The following ADD2 variants were observed in gnomAD, a reference collection of about 807,000 sequenced individuals.
ADD2 encodes the protein beta-adducin.
In ADD2, 23 loss-of-function variants were observed where a neutral mutation model predicts 83.0. That is an observed-to-expected ratio of 0.28 (90% CI 0.20 to 0.39). The LOEUF (loss-of-function observed/expected upper bound fraction) is 0.39. Among genes scored for constraint, ADD2 ranks in the 10% least tolerant of loss-of-function variants. The pLI, the probability that ADD2 is intolerant of heterozygous loss-of-function variation, is 1.00. For synonymous variants in ADD2, 375 were observed against 375.4 expected (o/e 1.00, Z 0.01); for missense variants, 758 against 944.9 (o/e 0.80, Z 2.59).
Position 70,663,413 on chromosome 2 carries a change from G to T in ADD2, c.*12C>A. ...AGAGAGGAGGCAGGAGGGAGCCCAA[G>T]GGTGTCATGAATCAGGACTCCACTT... On this transcript the variant is annotated 3_prime_UTR_variant, in exon 16 of 16. Transcript: ENST00000264436. The T allele has an allele frequency of 1.2e-6, 2 of 1,607,284 alleles. No individual in the cohort carries two copies. Among genetic ancestry groups the T allele is most frequent in the South Asian group, 2.2e-5 (2 of 90,084 alleles).
chr2:70,667,423 G>A (rs772235102), intron 15 of ADD2, among the ~76,000 whole-genome samples: 101 of 152,166 alleles, frequency 6.6e-4, no homozygotes, highest in Non-Finnish European at 9.8e-4. Context: ...TCTGTGGGAG[G>A]CGCAGAGCTG....
At chr2:70,745,659 AG>A (rs150141651) in intron 1 of ADD2, among the ~76,000 whole-genome samples, 1 of 152,358 alleles carries the variant, frequency 6.6e-6, no homozygotes, top group African/African-American at 2.4e-5. Context: ...GAGAGCAGCT[AG>A]GAACAGTAGA....
intron 2 of ADD2, among the ~76,000 whole-genome samples, chr2:70,710,969 T>G (rs1574274292): frequency 1.3e-5 from 2 of 152,188 alleles, no homozygotes; most frequent in African/African-American, 4.8e-5. Flanking sequence ...TATAAACAGG[T>G]GCACACTAAA....
intron 2 of ADD2, among the ~76,000 whole-genome samples, chr2:70,709,383 T>C (rs1672061214): frequency 6.6e-6 from 1 of 151,820 alleles, no homozygotes; most frequent in Admixed American, 6.6e-5. Flanking sequence ...GGCAGGCTGC[T>C]AGAATGGTTG....
At position 70,659,964 on chromosome 2, in the gene ADD2, G is replaced by A. The variant is rs993872613; in HGVS notation, c.*3461C>T. ...TTCTCTGGCACATCCAAGCACAGTAGCTCAACCAGACATGAACCTACTGCC... is the reference window on the plus strand; with the variant it reads ...TTCTCTGGCACATCCAAGCACAGTAACTCAACCAGACATGAACCTACTGCC... On this transcript the variant is annotated 3_prime_UTR_variant, in exon 16 of 16. Coordinates refer to ENST00000264436, the MANE Select transcript of ADD2 (RefSeq NM_001617.4). 2 of 152,222 alleles carry A rather than the reference G, an allele frequency of 1.3e-5. No individual in the cohort carries two copies. The highest frequency in any genetic ancestry group is 4.8e-5 in the African/African-American group (2 of 41,430). The allele number at this position is 152,222 out of a possible 1,614,324, so 9.4% of individuals were successfully genotyped here.
Position 70,713,199 on chromosome 2 carries a change from C to A in ADD2, c.-153-15G>T. 1 of 972,206 alleles carries A rather than the reference C, an allele frequency of 1.0e-6. No homozygotes were observed. Among genetic ancestry groups the A allele is most frequent in the Non-Finnish European group, 1.2e-6 (1 of 817,920 alleles). The allele number at this position is 972,206 out of a possible 1,614,324, so 60.2% of individuals were successfully genotyped here. On this transcript the variant is annotated splice_polypyrimidine_tract_variant and intron_variant, in intron 1 of 15. Transcript: ENST00000264436. ...CCAGGTGGAAACTGCAAAACACAAA[C>A]ACGACAAGTGTCAGGGCCTGCACCA...
Position 70,767,918 on chromosome 2 carries a change from G to T in ADD2, c.-186C>A. ...GCGGCATCTTAGCTATCTCCGGTCG[G>T]CCACTGCGGGTTGGTTTTGTTATTT... On this transcript the variant is annotated 5_prime_UTR_variant, in exon 1 of 16. Coordinates refer to ENST00000264436, the MANE Select transcript of ADD2 (RefSeq NM_001617.4). 6.5e-7 allele frequency: 1 copy of T among 1,536,008 alleles called. No homozygotes were observed. The highest frequency in any genetic ancestry group is 8.7e-7 in the Non-Finnish European group (1 of 1,146,818).
intron 1 of ADD2, among the ~76,000 whole-genome samples, chr2:70,758,808 A>T (rs1051812471): frequency 4.6e-5 from 7 of 152,138 alleles, no homozygotes; most frequent in Non-Finnish European, 1.0e-4. Context: ...TCAGAAAAAC[A>T]ATAATAATAA....
At chr2:70,738,518 G>A (rs1553380555) in intron 1 of ADD2, among the ~76,000 whole-genome samples, 4 of 152,120 alleles carry the variant, frequency 2.6e-5, no homozygotes, top group African/African-American at 9.7e-5. Context: ...CTAGCTCAGG[G>A]TCTGTACCCT....
In ADD2 at chr2:70,678,679, G is replaced by A. The variant is rs781864380; in HGVS notation, c.1383+25C>T. On this transcript the variant is annotated intron_variant, in intron 11 of 15. Coordinates refer to ENST00000264436, the MANE Select transcript of ADD2 (RefSeq NM_001617.4). ...TAATGCAGCCTGCCCCTCTCTGCCC[G>A]GGTCTGTCCTGGGCTCCCCCTTACC... 3.2e-5 allele frequency: 48 copies of A among 1,517,594 alleles called. No individual in the cohort carries two copies. In the Middle Eastern group the frequency reaches 5.4e-4, roughly 17 times the overall value. The allele number at this position is 1,517,594 out of a possible 1,614,324, so 94.0% of individuals were successfully genotyped here.
At chr2:70,763,695 G>GT (rs1675233506) in intron 1 of ADD2, among the ~76,000 whole-genome samples, 1 of 151,820 alleles carries the variant, frequency 6.6e-6, no homozygotes. Context: ...TCTTTCACAT[G>GT]TAACAACTCA....
At chr2:70,740,862 G>T (rs934393067) in intron 1 of ADD2, among the ~76,000 whole-genome samples, 19 of 152,092 alleles carry the variant, frequency 1.2e-4, no homozygotes, top group African/African-American at 4.3e-4. Flanking sequence ...ACTATGCCTG[G>T]CTAATTTTTA....
chr2:70,704,424 C>T lies in ADD2; in HGVS notation c.219G>A (p.Glu73=), dbSNP rs1671785038. 1 of 1,614,200 alleles carries T rather than the reference C, an allele frequency of 6.2e-7. No individual in the cohort carries two copies. Residue 73 remains glutamate, a synonymous_variant, in exon 4 of 16, where the codon GAG becomes GAA. Transcript: ENST00000264436. ...FREELEGLIQ[E]QMKKGNNSSN... ...AGGAGTTGTTCCCCTTCTTCATCTG[C>T]TCCTGGATGAGGCCTTCCAGCTCCT...
chr2:70,673,078 T>G, intron 14 of ADD2, 72 bp from the exon 15 acceptor site: 1 of 1,566,332 alleles, frequency 6.4e-7, no homozygotes, highest in Non-Finnish European at 8.7e-7. Flanking sequence ...TAAAGCCTTT[T>G]AAAAATTACT....
intron 6 of ADD2, among the ~76,000 whole-genome samples, chr2:70,692,786 T>C (rs1272821273): frequency 6.6e-6 from 1 of 151,478 alleles, no homozygotes; most frequent in Non-Finnish European, 1.5e-5. Context: ...GAGAGCAGAG[T>C]TTCTCAGACT....
chr2:70,765,188 A>G (rs1297582176), intron 1 of ADD2, among the ~76,000 whole-genome samples: 1 of 151,998 alleles, frequency 6.6e-6, no homozygotes, highest in East Asian at 1.9e-4. Flanking sequence ...CCCCGTCTCT[A>G]CTAAAAATGC....
chr2:70,663,942 C>A (rs1242375511), intron 15 of ADD2, among the ~76,000 whole-genome samples: 1 of 152,078 alleles, frequency 6.6e-6, no homozygotes, highest in African/African-American at 2.4e-5. Flanking sequence ...CCTGGGAACA[C>A]CCCCTTGCAG....
chr2:70,679,145 C>T (rs1047300026), intron 10 of ADD2, among the ~76,000 whole-genome samples, 184 bp from the exon 11 acceptor site: 14 of 152,198 alleles, frequency 9.2e-5, no homozygotes, highest in Admixed American at 7.2e-4. Context: ...TCCTCCTGGT[C>T]CCCCATCCCC....
chr2:70,678,620 G>T, intron 11 of ADD2, 84 bp downstream of exon 11: 2 of 1,496,004 alleles, frequency 1.3e-6, no homozygotes, highest in Non-Finnish European at 8.9e-7. Flanking sequence ...GGAGAGGTTT[G>T]TTCTGTTCCC....
Sources: allele counts gnomAD v4.1 joint callset (sites outside exome capture counted in the v4.1 genomes callset), GRCh38; gene constraint gnomAD v4.1.1; transcripts MANE v1.5; gene names NCBI Gene and HGNC (gene_info 2026-07-23, HGNC 2026-07-21).